FRMPD4: variants seen among roughly 807,000 people sequenced by gnomAD.
FRMPD4 encodes FERM and PDZ domain-containing protein 4.
Under a neutral mutation model 94.1 loss-of-function variants are expected in FRMPD4, and 22 were observed. The observed-to-expected ratio is 0.23, with a 90% CI of 0.17 to 0.33. FRMPD4 has a LOEUF of 0.33. Among genes scored for constraint, FRMPD4 ranks in the 10% least tolerant of loss-of-function variants. The probability of loss-of-function intolerance (pLI) is 1.00; values close to 1 mark genes in which losing one functional copy is unlikely to be tolerated. For synonymous variants in FRMPD4, 631 were observed against 548.6 expected (o/e 1.15, Z -2.10); for missense variants, 1,111 against 1,339.9 (o/e 0.83, Z 2.67).
chrX:12,516,876 G>A (rs1317609825), intron 2 of FRMPD4, among the ~76,000 whole-genome samples: 1 of 101,735 alleles, frequency 9.8e-6, no homozygotes, highest in Non-Finnish European at 2.0e-5. Context: ...AGTGCTCAGA[G>A]GTTTTGTTCA....
intron 5 of FRMPD4, among the ~76,000 whole-genome samples, chrX:12,683,239 T>C (rs189109632): frequency 1.8e-5 from 2 of 112,207 alleles, no homozygotes; most frequent in East Asian, 5.6e-4. Flanking sequence ...CCTGGAAATG[T>C]GCTCAGTTAA....
chrX:12,517,374 G>T lies in FRMPD4; in HGVS notation c.158+18578G>T, dbSNP rs1467462400. Among the ~76,000 whole-genome samples, 4 of 112,340 alleles carry T rather than the reference G, an allele frequency of 3.6e-5. No individual in the cohort carries two copies. The Admixed American group carries it at 3.7e-4, about 11-fold the overall frequency. Reference sequence around the variant, plus strand: ...CAATCTTTGAGGCTGCTGACTGTTGGATGGGGTTTTTGTGGTGACTTTTTT... The same window carrying T: ...CAATCTTTGAGGCTGCTGACTGTTGTATGGGGTTTTTGTGGTGACTTTTTT... On this transcript the variant is annotated intron_variant, in intron 2 of 16. Coordinates refer to ENST00000675598, the MANE Select transcript of FRMPD4 (RefSeq NM_001368397.1).
chrX:12,161,827 AAT>A (rs2147620843), intron 1 of FRMPD4, among the ~76,000 whole-genome samples: 1 of 112,011 alleles, frequency 8.9e-6, no homozygotes, highest in African/African-American at 3.2e-5. Flanking sequence ...ATTAAATTCA[AAT>A]AGTCTCATTT....
At chrX:11,849,490 G>A (rs1346047962) in intron 1 of FRMPD4, among the ~76,000 whole-genome samples, 2 of 111,078 alleles carry the variant, frequency 1.8e-5, no homozygotes, top group African/African-American at 6.5e-5. Context: ...AAAAAGTTGG[G>A]GGCCTCATAC....
intron 5 of FRMPD4, among the ~76,000 whole-genome samples, chrX:12,675,313 A>C (rs149088935): frequency 0.01 from 1,154 of 111,208 alleles, 13 homozygotes; most frequent in African/African-American, 0.036. Flanking sequence ...TATTTTAGCA[A>C]AGCCTGCTTT....
At chrX:12,626,673 C>T (rs2059349689) in intron 4 of FRMPD4, among the ~76,000 whole-genome samples, 1 of 101,850 alleles carries the variant, frequency 9.8e-6, no homozygotes, top group African/African-American at 3.6e-5. Flanking sequence ...TAGTCTGTCT[C>T]CTATCCCAGG....
chrX:12,573,168 C>T (rs761711985), intron 2 of FRMPD4, among the ~76,000 whole-genome samples: 187 of 111,757 alleles, frequency 1.7e-3, no homozygotes, highest in Non-Finnish European at 2.4e-3. Flanking sequence ...GTTGATGTAT[C>T]CTGAGCCCCA....
intron 1 of FRMPD4, among the ~76,000 whole-genome samples, chrX:12,238,382 GC>G (rs1198402982): frequency 9.0e-6 from 1 of 111,190 alleles, no homozygotes; most frequent in African/African-American, 3.3e-5. Context: ...ACCCCTCTCC[GC>G]CCCGACCAGC....
intron 3 of FRMPD4, among the ~76,000 whole-genome samples, chrX:12,016,851 G>C (rs1054270525): frequency 1.8e-5 from 2 of 111,639 alleles, no homozygotes; most frequent in Non-Finnish European, 3.8e-5. Context: ...CCACACAGGG[G>C]AAAAGCTCAC....
At chrX:12,474,480 T>C (rs1237886206) in intron 1 of FRMPD4, among the ~76,000 whole-genome samples, 1 of 110,669 alleles carries the variant, frequency 9.0e-6, no homozygotes, top group African/African-American at 3.3e-5. Flanking sequence ...CTGAAGGAAA[T>C]AGAGACACAA....
intron 3 of FRMPD4, among the ~76,000 whole-genome samples, chrX:12,034,139 A>G: frequency 8.9e-6 from 1 of 112,406 alleles, no homozygotes; most frequent in Admixed American, 9.4e-5. Context: ...GACATCTTTG[A>G]GGAAACATAT....
In FRMPD4 at chrX:11,933,331, G is replaced by C. The variant is rs1323985718; in HGVS notation, c.95+55313G>C. Among the ~76,000 whole-genome samples the C allele has an allele frequency of 3.6e-5, 4 of 112,135 alleles. No individual in the cohort carries two copies. In the Admixed American group the frequency reaches 3.8e-4, roughly 11 times the overall value. On this transcript the variant is annotated intron_variant, in intron 3 of 18. Coordinates refer to the FRMPD4 transcript ENST00000640291. ...ATGCCTTTGCAACACTCCTCAGGAA[G>C]ACAGGCTTCCTCTCATGACACATCC... is the stretch of plus-strand genomic sequence containing the variant.
At chrX:12,711,339 C>T (rs149639183) in intron 14 of FRMPD4, among the ~76,000 whole-genome samples, 1,584 of 111,549 alleles carry the variant, frequency 0.014, 25 homozygotes, top group African/African-American at 0.046. Context: ...GCCTAGCACT[C>T]GGACTTGGGA....
intron 2 of FRMPD4, among the ~76,000 whole-genome samples, chrX:12,533,700 T>C (rs1407544303): frequency 1.8e-5 from 2 of 112,033 alleles, no homozygotes; most frequent in Non-Finnish European, 3.8e-5. Context: ...GCCCTAGAGA[T>C]TTGTGGAACT....
intron 3 of FRMPD4, among the ~76,000 whole-genome samples, chrX:12,070,718 T>C (rs1418613092): frequency 8.9e-6 from 1 of 112,252 alleles, no homozygotes; most frequent in Non-Finnish European, 1.9e-5. Context: ...TTCCAATGAC[T>C]GTGTGTCAGC....
intron 3 of FRMPD4, among the ~76,000 whole-genome samples, chrX:11,989,740 A>G (rs1468325673): frequency 8.9e-6 from 1 of 111,940 alleles, no homozygotes; most frequent in African/African-American, 3.2e-5. Context: ...ATATCAAAGT[A>G]TCTCATGTAC....
At chrX:11,854,359 C>T (rs956841858) in intron 1 of FRMPD4, among the ~76,000 whole-genome samples, 12 of 111,593 alleles carry the variant, frequency 1.1e-4, no homozygotes, top group Admixed American at 6.6e-4. Context: ...CTCATGTCCT[C>T]GCAATTCAAA....
chrX:12,658,523 C>T (rs1359155885), intron 4 of FRMPD4, among the ~76,000 whole-genome samples: 1 of 111,912 alleles, frequency 8.9e-6, no homozygotes, highest in Non-Finnish European at 1.9e-5. Context: ...ATAAAAGAAG[C>T]CGTTGGCTTC....
chrX:12,543,169 A>G (rs1285479713), intron 2 of FRMPD4, among the ~76,000 whole-genome samples: 2 of 110,192 alleles, frequency 1.8e-5, no homozygotes, highest in Non-Finnish European at 3.8e-5. Context: ...CATTCAGGAC[A>G]TAGGCATGGG....
Sources: allele counts gnomAD v4.1 joint callset (sites outside exome capture counted in the v4.1 genomes callset), GRCh38; gene constraint gnomAD v4.1.1; transcripts MANE v1.5; gene names NCBI Gene and HGNC (gene_info 2026-07-23, HGNC 2026-07-21).